Variants in KMT2C observed in about 807,000 individuals in gnomAD.
The protein encoded by KMT2C is lysine methyltransferase 2C, also known as histone-lysine N-methyltransferase 2C.
In KMT2C, 88 loss-of-function variants were observed where a neutral mutation model predicts 507.9. The observed-to-expected ratio is 0.17, with a 90% CI of 0.15 to 0.21. The LOEUF is 0.21. Ranked by LOEUF, KMT2C falls within the 10% of genes least tolerant of loss-of-function variation. The pLI, the probability that KMT2C is intolerant of heterozygous loss-of-function variation, is 1.00. For missense variants in KMT2C, 4,954 were observed against 5,957.8 expected, an observed-to-expected ratio of 0.83 and a Z score of 5.55; for synonymous variants, 2,049 against 2,080.8, an observed-to-expected ratio of 0.98 and a Z score of 0.42.
At chr7:152,201,628 A>G (rs1211902483) in intron 26 of KMT2C, among the ~76,000 whole-genome samples, 16 of 146,354 alleles carry the variant, frequency 1.1e-4, no homozygotes, top group African/African-American at 3.2e-4. Flanking sequence ...AAAAAAAAAA[A>G]AAAAAAAAAA....
chr7:152,235,971 A>T, intron 15 of KMT2C, 38 bp from the exon 16 acceptor site: 1 of 1,261,592 alleles, frequency 7.9e-7, no homozygotes, highest in Non-Finnish European at 1.1e-6. Flanking sequence ...ATTCTGTGAC[A>T]GACCAAAATA....
chr7:152,433,410 G>A (rs993188778), intron 1 of KMT2C, among the ~76,000 whole-genome samples: 2 of 123,168 alleles, frequency 1.6e-5, no homozygotes, highest in Non-Finnish European at 3.3e-5. Flanking sequence ...ACAGTATAGA[G>A]ATACACAATT....
intron 1 of KMT2C, 66 bp from the exon 2 acceptor site, chr7:152,358,741 T>C (rs772089597): frequency 3.6e-5 from 37 of 1,018,318 alleles, no homozygotes; most frequent in Non-Finnish European, 4.8e-5. Flanking sequence ...CTTAGACTTA[T>C]ATTCAACATA....
Position 152,187,629 on chromosome 7 carries a change from A to G in KMT2C, c.4793+86T>C, listed in dbSNP as rs2093664577. Reference sequence around the variant, plus strand: ...TAAACGCAACATACAATAATATCATACACAATCATTTAAGCAGACTAATTT... The same window carrying G: ...TAAACGCAACATACAATAATATCATGCACAATCATTTAAGCAGACTAATTT... On this transcript the variant is annotated intron_variant, in intron 32 of 58. Transcript: ENST00000262189. 10 of 1,490,122 alleles carry G rather than the reference A, an allele frequency of 6.7e-6. No homozygotes were observed. In the Admixed American group the frequency reaches 2.0e-4, roughly 29 times the overall value. 92.3% of individuals were successfully genotyped at this position (1,490,122 alleles called of 1,614,324 possible).
Position 152,154,366 on chromosome 7 carries a change from C to T in KMT2C, c.12040G>A (p.Glu4014Lys), listed in dbSNP as rs2129098765. The change falls in exon 47 of 59, where the codon GAA becomes AAA. Residue 4014 changes from glutamate to lysine, a missense_variant. Glu to Lys is a moderately conservative substitution (Grantham distance 56). Transcript: ENST00000262189. ...GACAGATCTGGATACCTGCTCACTT[C>T]TACCCCAACCACACTCTCAGGAGAG... ...SSSPESVVGV[E>K]VSRYPDLSLV... 2 of 1,614,188 alleles carry T rather than the reference C, an allele frequency of 1.2e-6. No individual in the cohort carries two copies. Among genetic ancestry groups the T allele is most frequent in the East Asian group, 4.5e-5 (2 of 44,876 alleles).
intron 7 of KMT2C, among the ~76,000 whole-genome samples, chr7:152,272,841 C>T (rs200013397): frequency 6.6e-6 from 1 of 152,080 alleles, no homozygotes; most frequent in Non-Finnish European, 1.5e-5. Context: ...GCTATACTTA[C>T]GTTTCACAGA....
chr7:152,178,926 C>T (rs1222252713), intron 37 of KMT2C, among the ~76,000 whole-genome samples: 1 of 152,194 alleles, frequency 6.6e-6, no homozygotes, highest in East Asian at 1.9e-4. Context: ...ACTTACAACC[C>T]TATCTCACCA....
chr7:152,180,556 T>C (rs1188565383), intron 36 of KMT2C, among the ~76,000 whole-genome samples, 155 bp downstream of exon 36: 2 of 152,240 alleles, frequency 1.3e-5, no homozygotes, highest in Non-Finnish European at 2.9e-5. Flanking sequence ...CTGGTGTTAA[T>C]TTCATCAATT....
chr7:152,329,492 C>T (rs1445714558), intron 3 of KMT2C, among the ~76,000 whole-genome samples: 2 of 151,738 alleles, frequency 1.3e-5, no homozygotes, highest in Non-Finnish European at 2.9e-5. Context: ...ATCACCTGAG[C>T]CTGGGAGGTT....
chr7:152,351,955 C>T (rs918992039), intron 2 of KMT2C, among the ~76,000 whole-genome samples: 2 of 152,158 alleles, frequency 1.3e-5, no homozygotes, highest in African/African-American at 2.4e-5. Context: ...GAAAAAAGAA[C>T]AGGATAACAG....
At chr7:152,216,242 C>T (rs1463963871) in intron 23 of KMT2C, among the ~76,000 whole-genome samples, 1 of 152,150 alleles carries the variant, frequency 6.6e-6, no homozygotes, top group Admixed American at 6.5e-5. Flanking sequence ...CTTGCATTAA[C>T]AGGGTTTCTA....
intron 6 of KMT2C, among the ~76,000 whole-genome samples, chr7:152,290,024 G>A (rs2096381914): frequency 1.3e-5 from 2 of 151,696 alleles, no homozygotes; most frequent in East Asian, 1.9e-4. Context: ...CTGGGCAACA[G>A]AGTGAGATTC....
rs575992859 is a variant in KMT2C at position 152,318,385 on chromosome 7, C to A, written c.390-3047G>T. On this transcript the variant is annotated intron_variant, in intron 3 of 58. Coordinates refer to ENST00000262189, the MANE Select transcript of KMT2C (RefSeq NM_170606.3). ...TTGGGAGGCCTAGTTGGGCAGATCACCTGAGGTCAGTTCGAAATCACTCTG... is the reference window on the plus strand; with the variant it reads ...TTGGGAGGCCTAGTTGGGCAGATCAACTGAGGTCAGTTCGAAATCACTCTG... Among the ~76,000 whole-genome samples the A allele has an allele frequency of 1.1e-4, 16 of 152,066 alleles. No homozygotes were observed. In the South Asian group the frequency reaches 2.7e-3, roughly 26 times the overall value.
chr7:152,348,018 C>T (rs936407737), intron 2 of KMT2C, among the ~76,000 whole-genome samples: 1 of 152,146 alleles, frequency 6.6e-6, no homozygotes, highest in Non-Finnish European at 1.5e-5. Flanking sequence ...TGGGACATCA[C>T]TACAGATCCC....
chr7:152,361,431 T>C (rs1015695736), intron 1 of KMT2C, among the ~76,000 whole-genome samples: 7 of 151,762 alleles, frequency 4.6e-5, no homozygotes, highest in African/African-American at 1.4e-4. Flanking sequence ...GGCGTGGTAG[T>C]GGGCGCCTGT....
At chr7:152,340,657 G>C (rs1332105371) in intron 2 of KMT2C, among the ~76,000 whole-genome samples, 2 of 152,012 alleles carry the variant, frequency 1.3e-5, no homozygotes, top group Non-Finnish European at 2.9e-5. Flanking sequence ...GCAACTAAAA[G>C]TAAATACACA....
intron 18 of KMT2C, among the ~76,000 whole-genome samples, chr7:152,228,015 T>G (rs2094987271): frequency 6.6e-6 from 1 of 152,248 alleles, no homozygotes; most frequent in African/African-American, 2.4e-5. Context: ...AGTGAGTCTG[T>G]AAAGTTAAAA....
Position 152,155,900 on chromosome 7 carries a change from TA to T in KMT2C, c.11960+9del. 1 of 1,580,338 alleles carries T rather than the reference TA, an allele frequency of 6.3e-7. No homozygotes were observed. The highest frequency in any genetic ancestry group is 1.7e-4 in the Middle Eastern group (1 of 5,974). On this transcript the variant is annotated intron_variant, in intron 46 of 58. Coordinates refer to ENST00000262189, the MANE Select transcript of KMT2C (RefSeq NM_170606.3). ...AACTAAGAATTATTTGAGAAAAAAA[TA>T]ACCTGTACCTTAATTCTTCCTGATT...
chr7:152,398,820 A>G (rs1230963447), intron 1 of KMT2C, among the ~76,000 whole-genome samples: 4 of 152,202 alleles, frequency 2.6e-5, no homozygotes, highest in South Asian at 4.2e-4. Context: ...CTTAACACAC[A>G]TAATGAGTAC....
Sources: allele counts gnomAD v4.1 joint callset (sites outside exome capture counted in the v4.1 genomes callset), GRCh38; gene constraint gnomAD v4.1.1; transcripts MANE v1.5; gene names NCBI Gene and HGNC (gene_info 2026-07-23, HGNC 2026-07-21).